SYNPR: variants seen among roughly 807,000 people sequenced by gnomAD.
SYNPR encodes synaptoporin.
In SYNPR, 23 loss-of-function variants were observed where a neutral mutation model predicts 32.9. The ratio of observed to expected loss-of-function variants is 0.70; its 90% CI spans 0.50 to 0.99. The LOEUF is 0.99. Ranked by LOEUF, SYNPR falls within the 50% of genes least tolerant of loss-of-function variation. The pLI is 0.00. For synonymous variants in SYNPR, 146 were observed against 135.9 expected (o/e 1.07, Z -0.52); for missense variants, 318 against 349.3 (o/e 0.91, Z 0.71).
At chr3:63,449,915 A>C (rs1021980262) in intron 2 of SYNPR, among the ~76,000 whole-genome samples, 1 of 152,150 alleles carries the variant, frequency 6.6e-6, no homozygotes, top group Non-Finnish European at 1.5e-5. Flanking sequence ...TACAAGCCCA[A>C]ATTCTTACAG....
intron 3 of SYNPR, among the ~76,000 whole-genome samples, chr3:63,547,812 A>G (rs1702435350): frequency 6.6e-6 from 1 of 152,200 alleles, no homozygotes; most frequent in Admixed American, 6.5e-5. Flanking sequence ...GCCCTACTTC[A>G]AAAAGTCTCC....
intron 4 of SYNPR, among the ~76,000 whole-genome samples, chr3:63,606,417 C>CCTTTTTTTTTTTTT (rs765961715): frequency 1.5e-5 from 1 of 68,300 alleles, no homozygotes. Context: ...CAAATCCTTT[C>CCTTTTTTTTTTTTT]TTTTTTTTTT....
At chr3:63,550,718 C>T (rs1465545455) in intron 3 of SYNPR, among the ~76,000 whole-genome samples, 2 of 152,176 alleles carry the variant, frequency 1.3e-5, no homozygotes, top group Non-Finnish European at 2.9e-5. Context: ...TGCAGCCTGG[C>T]ACCTGGAAAC....
At chr3:63,443,073 G>A (rs1000061394) in intron 2 of SYNPR, 81 of 1,028,502 alleles carry the variant, frequency 7.9e-5, no homozygotes, top group Non-Finnish European at 8.9e-5. Context: ...CAGCCTGCTC[G>A]TGCAAAGCAG....
intron 2 of SYNPR, among the ~76,000 whole-genome samples, chr3:63,471,447 A>G (rs12492837): frequency 0.11 from 16,961 of 152,272 alleles, 1,447 homozygotes; most frequent in East Asian, 0.34. Flanking sequence ...CAGTAACCAT[A>G]AACTGATGGC....
chr3:63,394,919 T>A (rs554965715), intron 2 of SYNPR, among the ~76,000 whole-genome samples: 1 of 152,330 alleles, frequency 6.6e-6, no homozygotes, highest in South Asian at 2.1e-4. Flanking sequence ...TTATAGGGCA[T>A]AATTTATCTA....
intron 2 of SYNPR, among the ~76,000 whole-genome samples, chr3:63,403,146 G>A (rs1232793236): frequency 6.6e-6 from 1 of 152,058 alleles, no homozygotes; most frequent in Non-Finnish European, 1.5e-5. Flanking sequence ...TCCCACTAAA[G>A]CGTATTTTCT....
At chr3:63,298,696 A>G (rs772471442) in intron 2 of SYNPR, among the ~76,000 whole-genome samples, 6 of 152,126 alleles carry the variant, frequency 3.9e-5, no homozygotes, top group Non-Finnish European at 7.4e-5. Context: ...ACAGACTCTG[A>G]GGTAAGGATT....
At chr3:63,518,871 G>T (rs1301122808) in intron 3 of SYNPR, among the ~76,000 whole-genome samples, 3 of 152,100 alleles carry the variant, frequency 2.0e-5, no homozygotes, top group Non-Finnish European at 2.9e-5. Flanking sequence ...TAAGACACAT[G>T]CACGCATATG....
chr3:63,285,471 CA>C (rs1267023576), intron 2 of SYNPR, among the ~76,000 whole-genome samples: 3 of 152,160 alleles, frequency 2.0e-5, no homozygotes, highest in Non-Finnish European at 2.9e-5. Context: ...TCGTGAGCAG[CA>C]ATCTACGATT....
rs184445727 is a variant in SYNPR at position 63,606,820 on chromosome 3, A to G, written c.409-2305A>G. Among the ~76,000 whole-genome samples, 97 of 152,304 alleles carry G rather than the reference A, an allele frequency of 6.4e-4. 1 individual carries two copies. The highest frequency in any genetic ancestry group is 2.0e-3 in the Admixed American group (30 of 15,294). Reference sequence around the variant, plus strand: ...TCCTTGCTCCTCCACTTATTCATTCATGACTTCAACCAATTTGTTTAACCT... The same window carrying G: ...TCCTTGCTCCTCCACTTATTCATTCGTGACTTCAACCAATTTGTTTAACCT... On this transcript the variant is annotated intron_variant, in intron 4 of 5. Coordinates refer to ENST00000478300, the MANE Select transcript of SYNPR (RefSeq NM_001130003.2).
At chr3:63,606,653 A>C (rs1387930082) in intron 4 of SYNPR, among the ~76,000 whole-genome samples, 11 of 151,426 alleles carry the variant, frequency 7.3e-5, no homozygotes, top group Non-Finnish European at 8.8e-5. Context: ...CTGGTCTTGA[A>C]CTCCTGGGTT....
At chr3:63,581,757 T>G (rs1429985672) in intron 4 of SYNPR, among the ~76,000 whole-genome samples, 1 of 152,028 alleles carries the variant, frequency 6.6e-6, no homozygotes, top group African/African-American at 2.4e-5. Flanking sequence ...AAAGGTTTAT[T>G]AAAGTTTACT....
At chr3:63,228,935 A>G (rs1205706426) in intron 1 of SYNPR, among the ~76,000 whole-genome samples, 3 of 93,962 alleles carry the variant, frequency 3.2e-5, no homozygotes, top group Non-Finnish European at 7.1e-5. Flanking sequence ...CTTCTCCAAA[A>G]CAAACAAACA....
At chr3:63,468,121 G>A (rs2106669278) in intron 2 of SYNPR, among the ~76,000 whole-genome samples, 1 of 150,504 alleles carries the variant, frequency 6.6e-6, no homozygotes, top group South Asian at 2.1e-4. Flanking sequence ...TTGAACCCAG[G>A]AGGTGGAGGT....
chr3:63,529,297 A>G (rs1262170689), intron 3 of SYNPR, among the ~76,000 whole-genome samples: 1 of 152,244 alleles, frequency 6.6e-6, no homozygotes, highest in Non-Finnish European at 1.5e-5. Flanking sequence ...AGTAAATGCA[A>G]TGTAAATGCT....
intron 2 of SYNPR, among the ~76,000 whole-genome samples, chr3:63,476,228 G>A (rs1700912325): frequency 1.1e-5 from 1 of 90,062 alleles, no homozygotes; most frequent in Non-Finnish European, 2.2e-5. Flanking sequence ...GAAGGGAAGG[G>A]AAGGAAGGAA....
At chr3:63,576,169 T>A (rs1161142837) in intron 4 of SYNPR, among the ~76,000 whole-genome samples, 1 of 152,196 alleles carries the variant, frequency 6.6e-6, no homozygotes, top group Admixed American at 6.6e-5. Flanking sequence ...ATCAGCAGCG[T>A]CCATCATCCC....
chr3:63,453,965 G>C (rs571277465), intron 2 of SYNPR, among the ~76,000 whole-genome samples: 1 of 152,194 alleles, frequency 6.6e-6, no homozygotes, highest in East Asian at 1.9e-4. Flanking sequence ...TATTGCAGTA[G>C]ATAGAAACCT....
Sources: allele counts gnomAD v4.1 joint callset (sites outside exome capture counted in the v4.1 genomes callset), GRCh38; gene constraint gnomAD v4.1.1; transcripts MANE v1.5; gene names NCBI Gene and HGNC (gene_info 2026-07-23, HGNC 2026-07-21).